The following CAMK1D variants were observed in gnomAD, a reference collection of about 807,000 sequenced individuals.
CAMK1D encodes calcium/calmodulin-dependent protein kinase type 1D.
Under a neutral mutation model 47.7 loss-of-function variants are expected in CAMK1D, and 9 were observed. The observed-to-expected ratio is 0.19, with a 90% CI of 0.11 to 0.33. CAMK1D has a LOEUF of 0.33. CAMK1D is among the 10% of genes least tolerant of loss of function. CAMK1D has a pLI of 1.00. For missense variants in CAMK1D, 291 were observed against 488.7 expected (o/e 0.60, Z 3.81); for synonymous variants, 184 against 184.9 (o/e 0.99, Z 0.04).
chr10:12,599,900 AACC>A (rs1260921209), intron 2 of CAMK1D, among the ~76,000 whole-genome samples: 2 of 152,230 alleles, frequency 1.3e-5, no homozygotes, highest in African/African-American at 2.4e-5. Flanking sequence ...ACAAATAAAA[AACC>A]AACCAACCTT....
At chr10:12,784,064 A>T (rs1837614496) in intron 5 of CAMK1D, among the ~76,000 whole-genome samples, 1 of 152,190 alleles carries the variant, frequency 6.6e-6, no homozygotes, top group Non-Finnish European at 1.5e-5. Flanking sequence ...TTTTGTCAGG[A>T]ATAGCAAAGA....
chr10:12,664,493 G>A, intron 2 of CAMK1D, among the ~76,000 whole-genome samples: 1 of 152,132 alleles, frequency 6.6e-6, no homozygotes, highest in African/African-American at 2.4e-5. Context: ...TAATTTATTG[G>A]GGTCCGCAAT....
At chr10:12,355,099 T>C (rs1837470492) in intron 1 of CAMK1D, among the ~76,000 whole-genome samples, 1 of 152,090 alleles carries the variant, frequency 6.6e-6, no homozygotes, top group Non-Finnish European at 1.5e-5. Context: ...TACTTTGGGC[T>C]CCCAAAGTGC....
At chr10:12,400,011 C>T (rs1304864702) in intron 1 of CAMK1D, among the ~76,000 whole-genome samples, 1 of 152,110 alleles carries the variant, frequency 6.6e-6, no homozygotes, top group Non-Finnish European at 1.5e-5. Flanking sequence ...CTGTTTCTCC[C>T]CTAGGAGCAA....
intron 3 of CAMK1D, among the ~76,000 whole-genome samples, chr10:12,679,384 AAGTC>A (rs1482009844): frequency 1.5e-4 from 23 of 152,206 alleles, no homozygotes; most frequent in Non-Finnish European, 2.5e-4. Context: ...TAATGTCACA[AAGTC>A]AGTAAGATGG....
chr10:12,359,064 G>C (rs1396397601), intron 1 of CAMK1D, among the ~76,000 whole-genome samples: 1 of 152,200 alleles, frequency 6.6e-6, no homozygotes, highest in Admixed American at 6.5e-5. Flanking sequence ...CTGGTACAGT[G>C]AGTAGCTAAG....
chr10:12,606,432 G>C (rs1038134258), intron 2 of CAMK1D, among the ~76,000 whole-genome samples: 5 of 152,324 alleles, frequency 3.3e-5, no homozygotes, highest in African/African-American at 1.2e-4. Context: ...AAAATCAGTC[G>C]ATGGGGCTTG....
chr10:12,512,524 G>A (rs545054229), intron 1 of CAMK1D, among the ~76,000 whole-genome samples: 160 of 152,286 alleles, frequency 1.1e-3, no homozygotes, highest in African/African-American at 3.4e-3. Flanking sequence ...GCAGCTGCCC[G>A]TTGGGAGACT....
chr10:12,419,223 A>G (rs1839961874), intron 1 of CAMK1D, among the ~76,000 whole-genome samples: 1 of 152,054 alleles, frequency 6.6e-6, no homozygotes, highest in East Asian at 1.9e-4. Flanking sequence ...GATCTCATGA[A>G]TACTCACCCC....
intron 3 of CAMK1D, among the ~76,000 whole-genome samples, chr10:12,746,672 C>G (rs576488639): frequency 1.3e-5 from 2 of 152,124 alleles, no homozygotes; most frequent in Non-Finnish European, 2.9e-5. Context: ...CTTCTATAAT[C>G]GTGACCAGAG....
intron 1 of CAMK1D, among the ~76,000 whole-genome samples, chr10:12,510,231 A>G (rs550855474): frequency 1.1e-3 from 173 of 152,318 alleles, no homozygotes; most frequent in African/African-American, 4.0e-3. Flanking sequence ...CCTGGCCAAC[A>G]TAGCAAAAAC....
chr10:12,548,121 A>G (rs1483044511), intron 1 of CAMK1D, among the ~76,000 whole-genome samples: 2 of 152,134 alleles, frequency 1.3e-5, no homozygotes. Context: ...TCTGTCCTTT[A>G]CCACTTGTGT....
chr10:12,793,866 A>G (rs1242614913), intron 6 of CAMK1D, among the ~76,000 whole-genome samples: 1 of 152,222 alleles, frequency 6.6e-6, no homozygotes, highest in Non-Finnish European at 1.5e-5. Flanking sequence ...AGGTAGGAAG[A>G]TGTTGGAAAG....
intron 1 of CAMK1D, among the ~76,000 whole-genome samples, chr10:12,504,048 G>T (rs1362927996): frequency 1.3e-5 from 2 of 152,090 alleles, no homozygotes. Flanking sequence ...ATTAACCAAA[G>T]AGTTGGATGC....
chr10:12,786,984 G>A (rs1278467501), intron 5 of CAMK1D, among the ~76,000 whole-genome samples: 2 of 152,158 alleles, frequency 1.3e-5, no homozygotes, highest in African/African-American at 4.8e-5. Flanking sequence ...GTAGTCAGGC[G>A]TGGTGGCGCA....
At position 12,828,511 on chromosome 10, in the gene CAMK1D, A is replaced by G. The variant is rs796738709; in HGVS notation, c.1040-258A>G. ...CAAAAATTAGCCCGGCGTGGTGGTGAGCCCCTGTAATCCCAGCTACTCGGG... is the reference window on the plus strand; with the variant it reads ...CAAAAATTAGCCCGGCGTGGTGGTGGGCCCCTGTAATCCCAGCTACTCGGG... On this transcript the variant is annotated intron_variant, in intron 10 of 10. Coordinates refer to ENST00000619168, the MANE Select transcript of CAMK1D (RefSeq NM_153498.4). Among the ~76,000 whole-genome samples the G allele has an allele frequency of 5.3e-5, 8 of 151,828 alleles. No individual in the cohort carries two copies. In the South Asian group the frequency reaches 6.3e-4, roughly 12 times the overall value.
chr10:12,649,155 C>T (rs1024756634), intron 2 of CAMK1D, among the ~76,000 whole-genome samples: 36 of 152,226 alleles, frequency 2.4e-4, no homozygotes, highest in African/African-American at 8.0e-4. Context: ...GCACGTGCTC[C>T]CACACCCAGC....
intron 10 of CAMK1D, among the ~76,000 whole-genome samples, chr10:12,827,496 T>G (rs1347545634): frequency 6.5e-5 from 1 of 15,384 alleles, no homozygotes; most frequent in African/African-American, 2.0e-4. Context: ...CTTTCTTTCT[T>G]TCTTTCTTTC....
chr10:12,715,606 G>A (rs1255674870), intron 3 of CAMK1D, among the ~76,000 whole-genome samples: 3 of 151,520 alleles, frequency 2.0e-5, no homozygotes, highest in African/African-American at 2.4e-5. Context: ...TTTATGTTAT[G>A]TGATATAACA....
Sources: allele counts gnomAD v4.1 joint callset (sites outside exome capture counted in the v4.1 genomes callset), GRCh38; gene constraint gnomAD v4.1.1; transcripts MANE v1.5; gene names NCBI Gene and HGNC (gene_info 2026-07-23, HGNC 2026-07-21).